PDCD10: variants seen among roughly 807,000 people sequenced by gnomAD.
PDCD10 encodes the protein programmed cell death 10, also known as programmed cell death protein 10.
Under a neutral mutation model 29.2 loss-of-function variants are expected in PDCD10, and 4 were observed. That is an observed-to-expected ratio of 0.14 (90% CI 0.07 to 0.31). The LOEUF (loss-of-function observed/expected upper bound fraction) is 0.31, where lower values mean the gene tolerates loss of function less well. Among genes scored for constraint, PDCD10 ranks in the 10% least tolerant of loss-of-function variants. PDCD10 has a pLI of 1.00. For synonymous variants in PDCD10, 70 were observed against 82.2 expected, an observed-to-expected ratio of 0.85 and a Z score of 0.80; for missense variants, 183 against 257.9, an observed-to-expected ratio of 0.71 and a Z score of 1.99.
Position 167,726,416 on chromosome 3 carries a change from T to C in PDCD10, c.-116-6143A>G, listed in dbSNP as rs558468771. On this transcript the variant is annotated intron_variant, in intron 2 of 8. Transcript: ENST00000392750. ...GCCTGGCCAGAGTACTGTTTCTTAA[T>C]ACAGAAATTTATAAAATGGGTAAGA... 2.0e-4 allele frequency among the ~76,000 whole-genome samples: 30 copies of C among 152,160 alleles called. No individual in the cohort carries two copies. The South Asian group carries it at 5.8e-3, about 29-fold the overall frequency.
intron 2 of PDCD10, among the ~76,000 whole-genome samples, chr3:167,723,410 C>A (rs977482554): frequency 2.0e-5 from 3 of 152,130 alleles, no homozygotes; most frequent in African/African-American, 7.2e-5. Context: ...AAAATTTCAA[C>A]CCTCTAAGGT....
At chr3:167,727,425 C>T (rs903853622) in intron 2 of PDCD10, among the ~76,000 whole-genome samples, 2 of 151,988 alleles carry the variant, frequency 1.3e-5, no homozygotes, top group Non-Finnish European at 2.9e-5. Flanking sequence ...TAAATGAAAA[C>T]ACTTGTTGGA....
Position 167,718,820 on chromosome 3 carries a change from TTGAGTTTCTCATAC to T in PDCD10, c.96+1228_96+1241del, listed in dbSNP as rs535897990. Among the ~76,000 whole-genome samples the T allele has an allele frequency of 4.0e-5, 6 of 151,782 alleles. No homozygotes were observed. The East Asian group carries it at 1.2e-3, about 29-fold the overall frequency. The stretch of plus-strand genomic sequence containing the variant: ...GGATGACAGAGCAGAAGATAAGAAC[TTGAGTTTCTCATAC>T]TGAGTCATAACAATACTAGCCCTGG... On this transcript the variant is annotated intron_variant, in intron 3 of 8. Transcript: ENST00000392750.
intron 4 of PDCD10, among the ~76,000 whole-genome samples, chr3:167,704,282 C>T (rs1015130406): frequency 6.6e-6 from 1 of 152,164 alleles, no homozygotes; most frequent in African/African-American, 2.4e-5. Flanking sequence ...GGCTGGATCA[C>T]AGCGGCATGA....
rs186412136 is a variant in PDCD10 at position 167,708,302 on chromosome 3, A to T, written c.97-3407T>A. Reference sequence around the variant, plus strand: ...AAAAAAGCCATTTAGCCCTTTGGTTACTCAAGTTTTAAAAGACTCCTGCTT... The same window carrying T: ...AAAAAAGCCATTTAGCCCTTTGGTTTCTCAAGTTTTAAAAGACTCCTGCTT... On this transcript the variant is annotated intron_variant, in intron 3 of 8. Transcript: ENST00000392750. Among the ~76,000 whole-genome samples the T allele has an allele frequency of 4.4e-3, 663 of 150,004 alleles. 3 individuals are homozygous for T. The highest frequency in any genetic ancestry group is 7.2e-3 in the Non-Finnish European group (485 of 67,662).
rs949992327 is a variant in PDCD10, at chr3:167,725,840, G to T, written c.-116-5567C>A. Among the ~76,000 whole-genome samples the T allele has an allele frequency of 8.9e-5, 12 of 135,340 alleles. No individual in the cohort carries two copies. In the South Asian group the frequency reaches 1.2e-3, roughly 13 times the overall value. The allele number at this position is 135,340 out of a possible 152,430, so 88.8% of individuals were successfully genotyped here. Reference sequence around the variant, plus strand: ...TTTAAAAATATTAAATGGACAATTTGTGCAGAAAGATACAGGGAAAAAGCA... The same window carrying T: ...TTTAAAAATATTAAATGGACAATTTTTGCAGAAAGATACAGGGAAAAAGCA... On this transcript the variant is annotated intron_variant, in intron 2 of 8. Coordinates refer to ENST00000392750, the MANE Select transcript of PDCD10 (RefSeq NM_007217.4).
chr3:167,683,515 A>C lies in PDCD10; in HGVS notation c.*793T>G, dbSNP rs889667605. ...TATTTTTTGGGAAAAAATTGTGCAA[A>C]GCTTATGAGGGCCCAGTATACGAAA... On this transcript the variant is annotated 3_prime_UTR_variant, in exon 9 of 9. Coordinates refer to ENST00000392750, the MANE Select transcript of PDCD10 (RefSeq NM_007217.4). 6 of 152,128 alleles carry C rather than the reference A, an allele frequency of 3.9e-5. No homozygotes were observed. In the East Asian group the frequency reaches 1.2e-3, roughly 29 times the overall value. The allele number at this position is 152,128 out of a possible 1,614,324, so 9.4% of individuals were successfully genotyped here.
intron 3 of PDCD10, among the ~76,000 whole-genome samples, chr3:167,706,410 G>A (rs1435064518): frequency 6.6e-6 from 1 of 152,222 alleles, no homozygotes; most frequent in East Asian, 1.9e-4. Flanking sequence ...ATCACAGAGT[G>A]TACTGACATA....
intron 4 of PDCD10, among the ~76,000 whole-genome samples, chr3:167,703,124 T>C (rs1721610577): frequency 6.6e-6 from 1 of 152,186 alleles, no homozygotes; most frequent in South Asian, 2.1e-4. Flanking sequence ...TTAGAAAAGC[T>C]GAAATATTGA....
intron 6 of PDCD10, among the ~76,000 whole-genome samples, chr3:167,691,128 T>G (rs1453543616): frequency 6.6e-6 from 1 of 152,208 alleles, no homozygotes; most frequent in Non-Finnish European, 1.5e-5. Flanking sequence ...AAGAAATCAT[T>G]TTCTATTTTA....
At chr3:167,694,255 A>T (rs904653677) in intron 6 of PDCD10, 1 of 176,866 alleles carries the variant, frequency 5.7e-6, no homozygotes, top group African/African-American at 2.4e-5. Context: ...CTACTAAAAA[A>T]CATGCATTTA....
At chr3:167,713,700 C>G (rs956908333) in intron 3 of PDCD10, among the ~76,000 whole-genome samples, 15 of 151,852 alleles carry the variant, frequency 9.9e-5, no homozygotes, top group African/African-American at 2.2e-4. Flanking sequence ...TAAATAAAAT[C>G]AGAGACGAAA....
intron 6 of PDCD10, among the ~76,000 whole-genome samples, chr3:167,692,852 A>G (rs1333620693): frequency 6.6e-6 from 1 of 152,252 alleles, no homozygotes; most frequent in East Asian, 1.9e-4. Context: ...CGGGAGGCAG[A>G]GTTTGCAGTG....
chr3:167,686,974 A>G (rs1577317304), intron 8 of PDCD10, among the ~76,000 whole-genome samples: 1 of 152,226 alleles, frequency 6.6e-6, no homozygotes, highest in African/African-American at 2.4e-5. Context: ...AGATGGGTGG[A>G]TAACGGCAAC....
intron 8 of PDCD10, 55 bp downstream of exon 8, chr3:167,687,179 T>C (rs768070575): frequency 9.3e-5 from 87 of 935,112 alleles, no homozygotes; most frequent in Non-Finnish European, 1.4e-4. Flanking sequence ...TCATATCATA[T>C]AAAACCACAT....
intron 4 of PDCD10, among the ~76,000 whole-genome samples, chr3:167,698,278 T>C (rs916618763): frequency 6.6e-6 from 1 of 152,216 alleles, no homozygotes; most frequent in Admixed American, 6.5e-5. Flanking sequence ...GAAAATCATT[T>C]TGATAGATGA....
chr3:167,698,295 A>T (rs772541561), intron 4 of PDCD10, among the ~76,000 whole-genome samples: 6 of 152,210 alleles, frequency 3.9e-5, no homozygotes, highest in Non-Finnish European at 8.8e-5. Context: ...ATGATTAATA[A>T]CAATAAACTG....
At chr3:167,685,041 T>G (rs935325724) in intron 8 of PDCD10, among the ~76,000 whole-genome samples, 3 of 152,140 alleles carry the variant, frequency 2.0e-5, no homozygotes, top group African/African-American at 7.2e-5. Flanking sequence ...GATGATGCCC[T>G]AGTCCCACTG....
chr3:167,683,457 T>C lies in PDCD10; in HGVS notation c.*851A>G, dbSNP rs1020698858. 13 of 151,994 alleles carry C rather than the reference T, an allele frequency of 8.6e-5. No individual in the cohort carries two copies. The highest frequency in any genetic ancestry group is 2.7e-4 in the African/African-American group (11 of 41,426). The allele number at this position is 151,994 out of a possible 1,614,324, so 9.4% of individuals were successfully genotyped here. ...ACTCATGACAATTTCAATCCAACCGTTGATATAGCTTCAAATTACTATTAA... is the reference window on the plus strand; with the variant it reads ...ACTCATGACAATTTCAATCCAACCGCTGATATAGCTTCAAATTACTATTAA... On this transcript the variant is annotated 3_prime_UTR_variant, in exon 9 of 9. Transcript: ENST00000392750.
Sources: allele counts gnomAD v4.1 joint callset (sites outside exome capture counted in the v4.1 genomes callset), GRCh38; gene constraint gnomAD v4.1.1; transcripts MANE v1.5; gene names NCBI Gene and HGNC (gene_info 2026-07-23, HGNC 2026-07-21).